PRKX: variants seen among roughly 807,000 people sequenced by gnomAD.
PRKX encodes the protein protein kinase cAMP-dependent X-linked catalytic subunit.
Under a neutral mutation model 22.0 loss-of-function variants are expected in PRKX, and 12 were observed. That is an observed-to-expected ratio of 0.54 (90% confidence interval 0.35 to 0.88). PRKX has a LOEUF of 0.88. Ranked by LOEUF, PRKX falls within the 40% of genes least tolerant of loss-of-function variation. The pLI is 0.01. For synonymous variants in PRKX, 134 were observed against 137.7 expected (o/e 0.97, Z 0.19); for missense variants, 217 against 308.0 (o/e 0.70, Z 2.21).
chrX:3,708,350 T>C (rs1189099710), intron 1 of PRKX, among the ~76,000 whole-genome samples: 1 of 110,726 alleles, frequency 9.0e-6, no homozygotes, highest in African/African-American at 3.3e-5. Flanking sequence ...GGTGTTTTGC[T>C]ACAACTGCCT....
intron 1 of PRKX, among the ~76,000 whole-genome samples, chrX:3,697,542 C>CTT (rs11424185): frequency 9.6e-6 from 1 of 104,675 alleles, no homozygotes; most frequent in African/African-American, 3.6e-5. Flanking sequence ...TCACAATGTC[C>CTT]TTTTTTTTTT....
intron 4 of PRKX, among the ~76,000 whole-genome samples, chrX:3,630,693 G>A (rs1359929114): frequency 8.9e-6 from 1 of 111,996 alleles, no homozygotes; most frequent in African/African-American, 3.2e-5. Flanking sequence ...GCAGATGAGT[G>A]AAAGCGAGCA....
At chrX:3,707,841 G>A (rs1286651330) in intron 1 of PRKX, among the ~76,000 whole-genome samples, 52 of 111,254 alleles carry the variant, frequency 4.7e-4, no homozygotes, top group Non-Finnish European at 7.7e-4. Flanking sequence ...CCCACATAAG[G>A]TAAATAAGAT....
intron 7 of PRKX, among the ~76,000 whole-genome samples, chrX:3,613,024 G>C (rs1448440971): frequency 9.4e-6 from 1 of 106,874 alleles, no homozygotes; most frequent in African/African-American, 3.4e-5. Context: ...AGTGGTGGGT[G>C]CCTGTAATCC....
chrX:3,712,029 G>A (rs2146618016), intron 1 of PRKX, among the ~76,000 whole-genome samples: 1 of 111,775 alleles, frequency 8.9e-6, no homozygotes, highest in East Asian at 2.8e-4. Context: ...AGGAAGCTAA[G>A]TCCCCTCTTC....
At chrX:3,656,948 T>C (rs1927494244) in intron 2 of PRKX, among the ~76,000 whole-genome samples, 1 of 111,913 alleles carries the variant, frequency 8.9e-6, no homozygotes, top group African/African-American at 3.2e-5. Flanking sequence ...TGTCCTCCCA[T>C]GGACCAAGGG....
rs1290398626 is a variant in PRKX at position 3,713,402 on chromosome X, C to G, written c.-149G>C. ...TCGCCTCCTGGTGCGCGGTCCGGCG[C>G]GGCTGACGGAGCGACGGGGACAATG... On this transcript the variant is annotated 5_prime_UTR_variant, in exon 1 of 9. Coordinates refer to ENST00000262848, the MANE Select transcript of PRKX (RefSeq NM_005044.5). 2.2e-6 allele frequency: 1 copy of G among 450,993 alleles called. No homozygotes were observed. Among genetic ancestry groups the G allele is most frequent in the African/African-American group, 2.6e-5 (1 of 38,855 alleles). 37.2% of individuals were successfully genotyped at this position (450,993 alleles called of 1,213,427 possible). A position where few individuals can be genotyped will look rare whatever the true frequency, so the allele number is the denominator to read the frequency against.
At chrX:3,658,342 G>A in intron 2 of PRKX, among the ~76,000 whole-genome samples, 1 of 111,394 alleles carries the variant, frequency 9.0e-6, no homozygotes, top group Non-Finnish European at 1.9e-5. Context: ...GGAGTGCAGT[G>A]GTGCAGGTAA....
chrX:3,651,104 CA>C (rs763580015), intron 3 of PRKX, among the ~76,000 whole-genome samples: 76 of 84,955 alleles, frequency 8.9e-4, no homozygotes, highest in Non-Finnish European at 6.1e-4. Flanking sequence ...CAATGATGGT[CA>C]AAAAAAAAAA....
At chrX:3,690,840 G>A (rs1928309134) in intron 1 of PRKX, among the ~76,000 whole-genome samples, 1 of 112,074 alleles carries the variant, frequency 8.9e-6, no homozygotes, top group Non-Finnish European at 1.9e-5. Flanking sequence ...GGAAAGGTTC[G>A]TGATTTCTGG....
At chrX:3,658,280 C>T (rs112919754) in intron 2 of PRKX, among the ~76,000 whole-genome samples, 136 of 110,046 alleles carry the variant, frequency 1.2e-3, no homozygotes, top group African/African-American at 4.2e-3. Flanking sequence ...CATGAGCCAC[C>T]GTGCCCGGTC....
At chrX:3,676,836 C>G (rs141299473) in intron 1 of PRKX, among the ~76,000 whole-genome samples, 19 of 111,144 alleles carry the variant, frequency 1.7e-4, no homozygotes, top group African/African-American at 5.9e-4. Context: ...ATAAGTCTCA[C>G]GAGATCAGAT....
At chrX:3,644,526 T>C (rs1927151734) in intron 3 of PRKX, among the ~76,000 whole-genome samples, 1 of 110,600 alleles carries the variant, frequency 9.0e-6, no homozygotes, top group Non-Finnish European at 1.9e-5. Context: ...GGACTTACTC[T>C]CTATCTGCAG....
Position 3,680,910 on chromosome X carries a change from C to G in PRKX, c.167-6144G>C, listed in dbSNP as rs953832650. 3.9e-4 allele frequency among the ~76,000 whole-genome samples: 43 copies of G among 110,450 alleles called. 1 individual carries two copies. Among genetic ancestry groups the G allele is most frequent in the Admixed American group, 9.7e-4 (10 of 10,331 alleles). ...GTCTACAAAAACATAGAGATCTCAT[C>G]CCTATTAAAAGAAATTAGCCAGGAG... is the stretch of plus-strand genomic sequence containing the variant. On this transcript the variant is annotated intron_variant, in intron 1 of 8. Transcript: ENST00000262848.
intron 7 of PRKX, among the ~76,000 whole-genome samples, chrX:3,613,885 C>T (rs1468794563): frequency 1.4e-5 from 1 of 70,539 alleles, no homozygotes; most frequent in Admixed American, 1.6e-4. Flanking sequence ...AAAAAAGAAG[C>T]GTATCATCCC....
chrX:3,627,132 A>G (rs1348867316), intron 4 of PRKX, among the ~76,000 whole-genome samples: 1 of 111,331 alleles, frequency 9.0e-6, no homozygotes, highest in Admixed American at 9.6e-5. Flanking sequence ...CTGTAATCCC[A>G]GCACTTTGGG....
chrX:3,660,879 G>A (rs1444286357), intron 2 of PRKX, among the ~76,000 whole-genome samples: 1 of 110,263 alleles, frequency 9.1e-6, no homozygotes, highest in Non-Finnish European at 1.9e-5. Context: ...ATGAGAAGAG[G>A]AGGGAAGGGA....
intron 4 of PRKX, among the ~76,000 whole-genome samples, chrX:3,629,189 G>C (rs1190190899): frequency 9.0e-6 from 1 of 111,652 alleles, no homozygotes; most frequent in Non-Finnish European, 1.9e-5. Flanking sequence ...TACTGAGCCT[G>C]CTTGCACGGC....
intron 2 of PRKX, among the ~76,000 whole-genome samples, chrX:3,657,671 C>T (rs1569052860): frequency 8.9e-6 from 1 of 111,770 alleles, no homozygotes; most frequent in Non-Finnish European, 1.9e-5. Flanking sequence ...GCATCCCAAA[C>T]CTGCTAGGAA....
Sources: gnomAD v4.1 joint callset for allele counts (sites outside exome capture counted in the v4.1 genomes callset) on GRCh38, gnomAD v4.1.1 for gene constraint, MANE v1.5 for transcripts, NCBI Gene and HGNC (gene_info 2026-07-23, HGNC 2026-07-21) for gene names.